WNK1: variants seen among roughly 807,000 people sequenced by gnomAD.
WNK1 encodes serine/threonine-protein kinase WNK1.
WNK1 carries 38 observed loss-of-function variants against 222.8 expected under a neutral mutation model. That is an observed-to-expected ratio of 0.17 (90% CI 0.13 to 0.22). WNK1 has a LOEUF of 0.22. WNK1 is among the 10% of genes least tolerant of loss of function. The pLI, the probability that WNK1 is intolerant of heterozygous loss-of-function variation, is 1.00. For synonymous variants in WNK1, 1,090 were observed against 1,092.9 expected (o/e 1.00, Z 0.05); for missense variants, 2,348 against 2,918.4 (o/e 0.80, Z 4.50).
rs72650761 is a variant in WNK1 at position 895,008 on chromosome 12, G to A, written c.5583+373G>A. 5.4e-3 allele frequency among the ~76,000 whole-genome samples: 816 copies of A among 151,982 alleles called. 4 individuals carry two copies. The highest frequency in any genetic ancestry group is 0.019 in the African/African-American group (771 of 41,514). On this transcript the variant is annotated intron_variant, in intron 23 of 27. Transcript: ENST00000315939. ...ATCCAGTAATTGGTTTACCTAACCA[G>A]TCTCTATCATCATTTCTCATTTTTC...
intron 6 of WNK1, among the ~76,000 whole-genome samples, chr12:860,012 G>A (rs942658626): frequency 4.1e-4 from 62 of 151,950 alleles, no homozygotes; most frequent in African/African-American, 1.4e-3. Context: ...CACTTCGCCC[G>A]GCCAAAAGTT....
intron 1 of WNK1, among the ~76,000 whole-genome samples, chr12:797,163 T>G (rs1351575370): frequency 3.9e-5 from 6 of 152,220 alleles, no homozygotes; most frequent in African/African-American, 1.2e-4. Context: ...CTTTAAAGAA[T>G]CCTCTCAGAA....
At chr12:842,445 A>G (rs979765526) in intron 4 of WNK1, among the ~76,000 whole-genome samples, 1 of 152,206 alleles carries the variant, frequency 6.6e-6, no homozygotes, top group Non-Finnish European at 1.5e-5. Flanking sequence ...CTGAACAACT[A>G]GTTTAACTCT....
intron 19 of WNK1, 137 bp from the exon 20 acceptor site, chr12:887,084 A>G (rs974869054): frequency 1.2e-5 from 10 of 809,684 alleles, no homozygotes; most frequent in Non-Finnish European, 1.9e-5. Context: ...CCAGAGAGTA[A>G]CCTCAGTGAT....
At chr12:894,385 A>C (rs191033544) in intron 22 of WNK1, among the ~76,000 whole-genome samples, 177 bp from the exon 23 acceptor site, 1 of 152,334 alleles carries the variant, frequency 6.6e-6, no homozygotes, top group Admixed American at 6.5e-5. Context: ...TAGAGCAAAC[A>C]ATAACTCTTT....
Position 753,462 on chromosome 12 carries a change from G to T in WNK1, c.-104G>T. On this transcript the variant is annotated 5_prime_UTR_variant, in exon 1 of 28. Transcript: ENST00000315939. This position sits in a 1 kb window ranked among gnomAD's most constrained non-coding sequence, Gnocchi z 5.2. ...GCGTCGTCCGGGTCGGCGCGAACCCGCCCGGCCGCGGTTCCCTGCAGACCT... is the reference window on the plus strand; with the variant it reads ...GCGTCGTCCGGGTCGGCGCGAACCCTCCCGGCCGCGGTTCCCTGCAGACCT... 2.0e-6 allele frequency: 3 copies of T among 1,517,012 alleles called. No individual in the cohort carries two copies. Among genetic ancestry groups the T allele is most frequent in the South Asian group, 1.2e-5 (1 of 84,748 alleles). The allele number at this position is 1,517,012 out of a possible 1,614,324, so 94.0% of individuals were successfully genotyped here. A position where few individuals can be genotyped will look rare whatever the true frequency, so the allele number is the denominator to read the frequency against.
chr12:753,488 C>T lies in WNK1; in HGVS notation c.-78C>T, dbSNP rs72647366. 3.1e-6 allele frequency: 5 copies of T among 1,594,552 alleles called. No individual in the cohort carries two copies. The highest frequency in any genetic ancestry group is 1.7e-5 in the Admixed American group (1 of 58,652). On this transcript the variant is annotated 5_prime_UTR_variant, in exon 1 of 28. Transcript: ENST00000315939. The surrounding 1 kb of genome is among the most constrained non-coding windows in gnomAD (Gnocchi z 5.2). Reference sequence around the variant, plus strand: ...CCCGGCCGCGGTTCCCTGCAGACCTCTGCGCGGGCGGCTCGGCCCTTCACG... The same window carrying T: ...CCCGGCCGCGGTTCCCTGCAGACCTTTGCGCGGGCGGCTCGGCCCTTCACG...
intron 2 of WNK1, among the ~76,000 whole-genome samples, chr12:825,124 CA>C (rs1157056437): frequency 6.6e-6 from 1 of 152,068 alleles, no homozygotes; most frequent in African/African-American, 2.4e-5. Context: ...TTCGTGTAAC[CA>C]AAACTCTCAA....
intron 1 of WNK1, among the ~76,000 whole-genome samples, chr12:767,949 GGCTCCTTTCTACCTAGACAT>G (rs1238159300): frequency 2.6e-5 from 4 of 152,170 alleles, no homozygotes; most frequent in South Asian, 4.1e-4. Context: ...CACTCTAGAT[GGCTCCTTTCTACCTAGACAT>G]GCTCTTTTCT....
At chr12:789,176 A>C (rs956371727) in intron 1 of WNK1, among the ~76,000 whole-genome samples, 1 of 152,108 alleles carries the variant, frequency 6.6e-6, no homozygotes, top group Non-Finnish European at 1.5e-5. Flanking sequence ...TTTTCAGAGA[A>C]AGTAGTTGTT....
intron 1 of WNK1, among the ~76,000 whole-genome samples, chr12:789,233 A>G (rs1158290036): frequency 1.3e-5 from 2 of 152,144 alleles, no homozygotes; most frequent in African/African-American, 4.8e-5. Context: ...AAAGAATCAT[A>G]CATTTGGTAA....
intron 1 of WNK1, among the ~76,000 whole-genome samples, chr12:759,671 A>G (rs1408062205): frequency 1.4e-5 from 2 of 147,630 alleles, no homozygotes; most frequent in African/African-American, 4.9e-5. Flanking sequence ...AATAGGTGAG[A>G]CTTAGCATGA....
intron 2 of WNK1, 93 bp downstream of exon 2, chr12:813,907 A>C: frequency 7.3e-7 from 1 of 1,365,600 alleles, no homozygotes; most frequent in South Asian, 1.2e-5. Flanking sequence ...TTGGTTGTTC[A>C]GCCTAAGAAG....
At chr12:899,306 G>GTTTTGTTTTTTT (rs759306892) in intron 25 of WNK1, among the ~76,000 whole-genome samples, 1 of 20,426 alleles carries the variant, frequency 4.9e-5, no homozygotes, top group Non-Finnish European at 1.2e-4. Context: ...GATCTTTTTT[G>GTTTTGTTTTTTT]TTTTTGTTTT....
chr12:895,761 G>A (rs1351415695), intron 23 of WNK1, among the ~76,000 whole-genome samples: 1 of 152,138 alleles, frequency 6.6e-6, no homozygotes, highest in Non-Finnish European at 1.5e-5. Flanking sequence ...GCCTGGCCCT[G>A]ACCTTTTGTT....
chr12:899,605 T>C lies in WNK1; in HGVS notation c.6449-871T>C, dbSNP rs13313222. Among the ~76,000 whole-genome samples, 1,166 of 152,288 alleles carry C rather than the reference T, an allele frequency of 7.7e-3. 12 individuals are homozygous for C. Among genetic ancestry groups the C allele is most frequent in the African/African-American group, 0.027 (1,109 of 41,550 alleles). On this transcript the variant is annotated intron_variant, in intron 25 of 27. Coordinates refer to ENST00000315939, the MANE Select transcript of WNK1 (RefSeq NM_018979.4). ...TATGATCCTAATCAAATTCTAATCC[T>C]AATTTTGACATACTTTTTGAGTGGA...
intron 1 of WNK1, among the ~76,000 whole-genome samples, chr12:793,179 TA>T (rs1388591152): frequency 6.6e-6 from 1 of 152,214 alleles, no homozygotes; most frequent in African/African-American, 2.4e-5. Context: ...TGTGGCCTAG[TA>T]AAAATGACTG....
intron 27 of WNK1, 30 bp downstream of exon 27, chr12:908,064 G>T (rs372548503): frequency 6.2e-7 from 1 of 1,611,046 alleles, no homozygotes; most frequent in Admixed American, 1.7e-5. Flanking sequence ...CAGAGAATCC[G>T]TAACACACAT....
intron 4 of WNK1, among the ~76,000 whole-genome samples, chr12:831,826 G>T (rs1948817311): frequency 1.3e-5 from 2 of 151,496 alleles, no homozygotes. Context: ...AGTATAAAGG[G>T]GTCCTGAGAC....
Sources: allele counts gnomAD v4.1 joint callset (sites outside exome capture counted in the v4.1 genomes callset), GRCh38; gene constraint gnomAD v4.1.1; non-coding constraint Gnocchi (gnomAD v3.1); transcripts MANE v1.5; gene names NCBI Gene and HGNC (gene_info 2026-07-23, HGNC 2026-07-21).